Variants in DLGAP1 observed in about 807,000 individuals in gnomAD.
DLGAP1 encodes disks large-associated protein 1.
Under a neutral mutation model 90.8 loss-of-function variants are expected in DLGAP1, and 11 were observed. That is an observed-to-expected ratio of 0.12 (90% confidence interval 0.08 to 0.20). The LOEUF (loss-of-function observed/expected upper bound fraction) is 0.20. DLGAP1 is among the 10% of genes least tolerant of loss of function. The pLI is 1.00. For missense variants in DLGAP1, 1,050 were observed against 1,333.8 expected, an observed-to-expected ratio of 0.79 and a Z score of 3.31; for synonymous variants, 558 against 540.7, an observed-to-expected ratio of 1.03 and a Z score of -0.44.
intron 1 of DLGAP1, among the ~76,000 whole-genome samples, chr18:4,414,887 T>C (rs1266891778): frequency 6.6e-6 from 1 of 152,194 alleles, no homozygotes; most frequent in African/African-American, 2.4e-5. Context: ...ACTAGCAGTG[T>C]CAATTTGCAT....
intron 1 of DLGAP1, among the ~76,000 whole-genome samples, chr18:4,298,532 C>A (rs975036300): frequency 1.3e-5 from 2 of 151,732 alleles, no homozygotes; most frequent in Admixed American, 1.3e-4. Flanking sequence ...AACAAAAAAC[C>A]AAACACTGCA....
chr18:3,611,956 T>G (rs2057655065), intron 7 of DLGAP1, among the ~76,000 whole-genome samples: 1 of 152,228 alleles, frequency 6.6e-6, no homozygotes, highest in South Asian at 2.1e-4. Context: ...TCCCCTAGCT[T>G]ACCATGGTAA....
At chr18:3,632,134 A>T (rs990103596) in intron 7 of DLGAP1, among the ~76,000 whole-genome samples, 1 of 152,092 alleles carries the variant, frequency 6.6e-6, no homozygotes, top group African/African-American at 2.4e-5. Context: ...TTACTTAATT[A>T]TTAACCACTG....
intron 4 of DLGAP1, among the ~76,000 whole-genome samples, chr18:3,878,545 T>A (rs2071061411): frequency 6.6e-6 from 1 of 152,150 alleles, no homozygotes; most frequent in South Asian, 2.1e-4. Flanking sequence ...GCTCCCCACC[T>A]CCTCAGGGCA....
intron 1 of DLGAP1, among the ~76,000 whole-genome samples, chr18:4,198,411 T>C (rs1278706908): frequency 3.9e-5 from 6 of 152,176 alleles, no homozygotes; most frequent in Non-Finnish European, 8.8e-5. Context: ...AAGGCCATGA[T>C]AACTTGTGTT....
At chr18:3,820,169 G>A in intron 4 of DLGAP1, among the ~76,000 whole-genome samples, 1 of 152,202 alleles carries the variant, frequency 6.6e-6, no homozygotes, top group East Asian at 1.9e-4. Context: ...GCATGGTGAG[G>A]TGTGGAGTAA....
intron 1 of DLGAP1, among the ~76,000 whole-genome samples, chr18:4,363,790 A>G (rs2081688147): frequency 6.6e-6 from 1 of 152,148 alleles, no homozygotes. Context: ...AAATAGGAAC[A>G]CTTTTACAAG....
chr18:3,651,613 C>T (rs1024016984), intron 7 of DLGAP1, among the ~76,000 whole-genome samples: 2 of 151,240 alleles, frequency 1.3e-5, no homozygotes, highest in African/African-American at 4.9e-5. Flanking sequence ...GCCAACAAGG[C>T]GAACCCCCGT....
At chr18:4,418,744 T>A (rs549677848) in intron 1 of DLGAP1, among the ~76,000 whole-genome samples, 36 of 151,964 alleles carry the variant, frequency 2.4e-4, no homozygotes, top group Non-Finnish European at 4.7e-4. Context: ...AACTGACATG[T>A]AAATAGAATA....
intron 1 of DLGAP1, among the ~76,000 whole-genome samples, chr18:4,434,504 G>T (rs1294521674): frequency 6.6e-6 from 1 of 152,082 alleles, no homozygotes; most frequent in African/African-American, 2.4e-5. Context: ...CCCCTGTGCT[G>T]CAAGGCTGCC....
chr18:3,524,346 C>T (rs2051463845), intron 10 of DLGAP1, among the ~76,000 whole-genome samples: 1 of 151,600 alleles, frequency 6.6e-6, no homozygotes, highest in Non-Finnish European at 1.5e-5. Context: ...ATTATTCAGC[C>T]CTAAAAAAGA....
At chr18:3,515,331 C>T (rs1051351492) in intron 10 of DLGAP1, among the ~76,000 whole-genome samples, 1 of 151,764 alleles carries the variant, frequency 6.6e-6, no homozygotes, top group African/African-American at 2.4e-5. Flanking sequence ...ATTAGCCAGG[C>T]GTGGTGGCGG....
intron 7 of DLGAP1, among the ~76,000 whole-genome samples, chr18:3,644,148 G>A (rs764957441): frequency 1.3e-5 from 2 of 152,168 alleles, no homozygotes; most frequent in Non-Finnish European, 2.9e-5. Flanking sequence ...GGTTCCAGAT[G>A]GTGCAGGCAC....
At chr18:4,031,988 T>A (rs188567120) in intron 2 of DLGAP1, among the ~76,000 whole-genome samples, 2 of 152,226 alleles carry the variant, frequency 1.3e-5, no homozygotes, top group African/African-American at 4.8e-5. Flanking sequence ...GGTAGCATTA[T>A]GAGTAACAAG....
intron 1 of DLGAP1, among the ~76,000 whole-genome samples, chr18:4,235,762 G>C (rs2078399581): frequency 9.0e-6 from 1 of 111,370 alleles, no homozygotes; most frequent in Non-Finnish European, 1.6e-5. Context: ...GTCTCACTCT[G>C]TTGCCCATGC....
chr18:4,124,716 C>T (rs1018808208), intron 2 of DLGAP1, among the ~76,000 whole-genome samples: 4 of 152,198 alleles, frequency 2.6e-5, no homozygotes, highest in African/African-American at 4.8e-5. Context: ...TCATTCAATA[C>T]TTTTTATTTT....
At chr18:3,698,168 G>T (rs973454094) in intron 7 of DLGAP1, among the ~76,000 whole-genome samples, 2 of 152,152 alleles carry the variant, frequency 1.3e-5, no homozygotes, top group Non-Finnish European at 2.9e-5. Flanking sequence ...TTTAATTGGG[G>T]CATTTAGCCT....
At chr18:4,015,963 A>G (rs933693408) in intron 2 of DLGAP1, among the ~76,000 whole-genome samples, 6 of 152,220 alleles carry the variant, frequency 3.9e-5, no homozygotes, top group African/African-American at 1.2e-4. Flanking sequence ...ATAGATGTTG[A>G]TATTTTAATT....
chr18:3,747,619 A>G (rs8096199), intron 5 of DLGAP1, among the ~76,000 whole-genome samples: 33,631 of 152,166 alleles, frequency 0.22, 4,692 homozygotes, highest in African/African-American at 0.4. Flanking sequence ...TATTCAAAGA[A>G]GAAGTGAAAG....
Sources: allele counts gnomAD v4.1 joint callset (sites outside exome capture counted in the v4.1 genomes callset), GRCh38; gene constraint gnomAD v4.1.1; transcripts MANE v1.5; gene names NCBI Gene and HGNC (gene_info 2026-07-23, HGNC 2026-07-21).